Variants in DMD observed in about 807,000 individuals in gnomAD.
DMD encodes dystrophin.
In DMD, 63 loss-of-function variants were observed where a neutral mutation model predicts 330.1. That is an observed-to-expected ratio of 0.19 (90% CI 0.16 to 0.24). The LOEUF (loss-of-function observed/expected upper bound fraction) is 0.24, where lower values mean the gene tolerates loss of function less well. DMD is among the 10% of genes least tolerant of loss of function. The probability of loss-of-function intolerance (pLI) is 1.00; values close to 1 mark genes in which losing one functional copy is unlikely to be tolerated. For missense variants in DMD, 3,344 were observed against 2,684.1 expected (o/e 1.25, Z -5.43); for synonymous variants, 1,223 against 959.8 (o/e 1.27, Z -5.07).
chrX:32,237,406 A>C (rs1168855710), intron 43 of DMD, among the ~76,000 whole-genome samples: 1 of 110,563 alleles, frequency 9.0e-6, no homozygotes, highest in Non-Finnish European at 1.9e-5. Flanking sequence ...TTCTTCTCCA[A>C]TCTGTACAGG....
chrX:32,010,197 G>A (rs2095695849), intron 44 of DMD, among the ~76,000 whole-genome samples: 2 of 111,753 alleles, frequency 1.8e-5, no homozygotes, highest in African/African-American at 3.3e-5. Flanking sequence ...TGCGCATTCA[G>A]TAACATGAAG....
intron 52 of DMD, among the ~76,000 whole-genome samples, chrX:31,721,716 CTCTATATATA>C (rs1274461933): frequency 5.6e-4 from 30 of 53,416 alleles, no homozygotes; most frequent in African/African-American, 8.9e-4. Flanking sequence ...CTCTCTCTCT[CTCTATATATA>C]TATATATATA....
At chrX:33,335,612 T>C (rs1213229244) in intron 1 of DMD, among the ~76,000 whole-genome samples, 1 of 110,956 alleles carries the variant, frequency 9.0e-6, no homozygotes, top group African/African-American at 3.3e-5. Context: ...TAGTTCAATG[T>C]ATTTGTTCTG....
chrX:32,690,600 T>G (rs1398621520), intron 9 of DMD, among the ~76,000 whole-genome samples: 1 of 111,177 alleles, frequency 9.0e-6, no homozygotes, highest in African/African-American at 3.3e-5. Context: ...AATATATTAC[T>G]AAACTACAGT....
intron 1 of DMD, among the ~76,000 whole-genome samples, chrX:33,280,978 T>A (rs2148921410): frequency 8.9e-6 from 1 of 112,043 alleles, no homozygotes; most frequent in African/African-American, 3.2e-5. Context: ...TCAAAAACAT[T>A]GCTAAAATTT....
intron 59 of DMD, among the ~76,000 whole-genome samples, chrX:31,468,806 T>C (rs1326602834): frequency 8.9e-6 from 1 of 111,826 alleles, no homozygotes; most frequent in African/African-American, 3.3e-5. Context: ...CTATGTCTCT[T>C]TGTAGGTCTC....
chrX:32,997,253 T>TG (rs1602502298), intron 2 of DMD, among the ~76,000 whole-genome samples: 4 of 110,193 alleles, frequency 3.6e-5, no homozygotes, highest in African/African-American at 1.3e-4. Context: ...CCGCCATTTT[T>TG]TTTTTTTTTG....
intron 50 of DMD, among the ~76,000 whole-genome samples, chrX:31,813,638 A>T (rs754539311): frequency 6.2e-5 from 7 of 112,065 alleles, no homozygotes; most frequent in Non-Finnish European, 1.1e-4. Flanking sequence ...GTATTTCTTC[A>T]TAGCAGTATG....
intron 2 of DMD, among the ~76,000 whole-genome samples, chrX:33,000,527 C>G (rs1034389507): frequency 2.7e-5 from 3 of 111,660 alleles, no homozygotes; most frequent in Non-Finnish European, 5.6e-5. Context: ...AAGTCCCTTC[C>G]TGACTTAGTC....
chrX:32,730,438 T>G (rs961795686), intron 7 of DMD, among the ~76,000 whole-genome samples: 36 of 112,152 alleles, frequency 3.2e-4, no homozygotes, highest in Non-Finnish European at 9.4e-5. Flanking sequence ...AACACCAAAG[T>G]AGGACACAAA....
chrX:33,044,261 G>A (rs947523049), intron 1 of DMD, among the ~76,000 whole-genome samples: 8 of 111,374 alleles, frequency 7.2e-5, no homozygotes, highest in East Asian at 2.8e-4. Context: ...GTGAAACCCC[G>A]TCTCTACTAA....
chrX:33,225,084 G>A (rs751962905), intron 1 of DMD, among the ~76,000 whole-genome samples: 12 of 111,154 alleles, frequency 1.1e-4, no homozygotes, highest in African/African-American at 1.6e-4. Flanking sequence ...TATTGTGCTC[G>A]TGGATTGAGA....
chrX:32,292,082 C>G (rs2097473030), intron 42 of DMD, among the ~76,000 whole-genome samples: 1 of 110,022 alleles, frequency 9.1e-6, no homozygotes, highest in African/African-American at 3.3e-5. Context: ...ATGTCTGTCT[C>G]TCTCACTTTC....
At chrX:32,678,430 C>G (rs1180441492) in intron 9 of DMD, among the ~76,000 whole-genome samples, 1 of 111,416 alleles carries the variant, frequency 9.0e-6, no homozygotes, top group Non-Finnish European at 1.9e-5. Context: ...TTAAGTCACA[C>G]ATTTAGTAAG....
At chrX:32,690,364 C>G (rs2063187253) in intron 9 of DMD, among the ~76,000 whole-genome samples, 1 of 111,113 alleles carries the variant, frequency 9.0e-6, no homozygotes, top group Non-Finnish European at 1.9e-5. Flanking sequence ...ATGACAAAAT[C>G]AAATGGAAAG....
chrX:31,935,156 C>T (rs996456426), intron 45 of DMD, among the ~76,000 whole-genome samples: 1 of 111,303 alleles, frequency 9.0e-6, no homozygotes, highest in African/African-American at 3.3e-5. Context: ...TTCTTGGAGT[C>T]TACATACTTA....
chrX:33,083,491 GAGCAGATAGTCACCCTGAGAGAC>G (rs1157882679), intron 1 of DMD, among the ~76,000 whole-genome samples: 7 of 111,532 alleles, frequency 6.3e-5, no homozygotes, highest in Non-Finnish European at 1.3e-4. Context: ...GCAAGGGAAA[GAGCAGATAGTCACCCTGAGAGAC>G]AGGACTGTTG....
chrX:32,161,108 G>A (rs1198765063), intron 44 of DMD, among the ~76,000 whole-genome samples: 1 of 111,418 alleles, frequency 9.0e-6, no homozygotes, highest in African/African-American at 3.3e-5. Context: ...GAAGGACAGC[G>A]GGCAATGAGC....
chrX:31,541,948 A>G (rs2073854748), intron 55 of DMD, among the ~76,000 whole-genome samples: 1 of 112,090 alleles, frequency 8.9e-6, no homozygotes, highest in African/African-American at 3.2e-5. Context: ...TATTGAAATA[A>G]TAATATGTTG....
Sources: allele counts gnomAD v4.1 joint callset (sites outside exome capture counted in the v4.1 genomes callset), GRCh38; gene constraint gnomAD v4.1.1; transcripts MANE v1.5; gene names NCBI Gene and HGNC (gene_info 2026-07-23, HGNC 2026-07-21).